The following C3orf62 variants were observed in gnomAD, a reference collection of about 807,000 sequenced individuals.
C3orf62 encodes chromosome 3 open reading frame 62.
A neutral mutation model predicts 21.7 loss-of-function variants in C3orf62; 16 were observed. The ratio of observed to expected loss-of-function variants is 0.74; its 90% CI spans 0.50 to 1.12. C3orf62 has a LOEUF of 1.12. Ranked by LOEUF, C3orf62 falls within the 50% of genes most tolerant of loss-of-function variation. C3orf62 has a pLI of 0.00. For missense variants in C3orf62, 310 were observed against 318.8 expected (o/e 0.97, Z 0.21); for synonymous variants, 114 against 117.0 (o/e 0.97, Z 0.17).
intron 1 of C3orf62, 100 bp from the exon 2 acceptor site, chr3:49,274,240 A>T (rs1424803969): frequency 1.2e-6 from 1 of 856,694 alleles, no homozygotes; most frequent in Non-Finnish European, 1.9e-6. Flanking sequence ...TCAAAGACAA[A>T]AACTTACTGG....
rs1329139924 is a variant in C3orf62 at position 49,277,186 on chromosome 3, C to G, written c.-314G>C. 1.5e-6 allele frequency: 2 copies of G among 1,371,062 alleles called. No homozygotes were observed. The highest frequency in any genetic ancestry group is 2.9e-5 in the African/African-American group (2 of 68,970). The allele number at this position is 1,371,062 out of a possible 1,614,324, so 84.9% of individuals were successfully genotyped here. The stretch of plus-strand genomic sequence containing the variant: ...TCGGCAGCCACGTCCTTGTCCTCAC[C>G]CGCAGCGCAGTGACGCCGACCCATC... On this transcript the variant is annotated 5_prime_UTR_variant, in exon 1 of 3. Transcript: ENST00000343010.
intron 2 of C3orf62, 128 bp from the exon 3 acceptor site, chr3:49,271,573 C>T (rs553992351): frequency 1.6e-6 from 2 of 1,215,020 alleles, no homozygotes; most frequent in South Asian, 1.5e-5. Flanking sequence ...CATTCCTGCC[C>T]CAGGACAGGC....
chr3:49,274,412 C>G, intron 1 of C3orf62: 1 of 335,862 alleles, frequency 3.0e-6, no homozygotes, highest in Non-Finnish European at 5.6e-6. Flanking sequence ...CCAGGCTGGT[C>G]TCGAACTCCT....
intron 1 of C3orf62, among the ~76,000 whole-genome samples, chr3:49,275,281 T>C (rs937303780): frequency 6.6e-6 from 1 of 150,508 alleles, no homozygotes; most frequent in Non-Finnish European, 1.5e-5. Flanking sequence ...GCTCGGCTTA[T>C]GTTTGTATTT....
At chr3:49,276,219 T>C (rs1162624964) in intron 1 of C3orf62, among the ~76,000 whole-genome samples, 1 of 152,128 alleles carries the variant, frequency 6.6e-6, no homozygotes, top group East Asian at 1.9e-4. Flanking sequence ...GATTGACAAC[T>C]AGCCCCTCAA....
chr3:49,277,129 G>T lies in C3orf62; in HGVS notation c.-257C>A. ...CCCGCCCCACCGCGGCTCCCAGGCC[G>T]CTGGCCCTACCGGCACCCCCCCTTT... On this transcript the variant is annotated 5_prime_UTR_variant, in exon 1 of 3. Coordinates refer to ENST00000343010, the MANE Select transcript of C3orf62 (RefSeq NM_198562.3). The T allele has an allele frequency of 6.8e-7, 1 of 1,466,320 alleles. No individual in the cohort carries two copies. The highest frequency in any genetic ancestry group is 9.1e-7 in the Non-Finnish European group (1 of 1,101,932). The allele number at this position is 1,466,320 out of a possible 1,614,324, so 90.8% of individuals were successfully genotyped here. A position where few individuals can be genotyped will look rare whatever the true frequency, so the allele number is the denominator to read the frequency against.
chr3:49,271,056 G>A lies in C3orf62; in HGVS notation c.*124C>T, dbSNP rs1403197955. 1.1e-6 allele frequency: 1 copy of A among 909,612 alleles called. No individual in the cohort carries two copies. The highest frequency in any genetic ancestry group is 2.5e-5 in the East Asian group (1 of 40,782). 56.3% of individuals were successfully genotyped at this position (909,612 alleles called of 1,614,324 possible). On this transcript the variant is annotated 3_prime_UTR_variant, in exon 3 of 3. Transcript: ENST00000343010. ...GGGACACAACTGGGATTTAAAAAGG[G>A]TCTGGTAATTCAGGTTCTGCCAACC...
chr3:49,277,195 A>T lies in C3orf62; in HGVS notation c.-323T>A. The stretch of plus-strand genomic sequence containing the variant: ...ACGTCCTTGTCCTCACCCGCAGCGC[A>T]GTGACGCCGACCCATCCAACGGTCA... On this transcript the variant is annotated 5_prime_UTR_variant, in exon 1 of 3. Coordinates refer to ENST00000343010, the MANE Select transcript of C3orf62 (RefSeq NM_198562.3). 1 of 1,354,952 alleles carries T rather than the reference A, an allele frequency of 7.4e-7. No homozygotes were observed. Among genetic ancestry groups the T allele is most frequent in the East Asian group, 4.1e-5 (1 of 24,104 alleles). The allele number at this position is 1,354,952 out of a possible 1,614,324, so 83.9% of individuals were successfully genotyped here. A position where few individuals can be genotyped will look rare whatever the true frequency, so the allele number is the denominator to read the frequency against.
Position 49,276,646 on chromosome 3 carries a change from G to A in C3orf62, c.227C>T (p.Ala76Val). 1 of 1,614,216 alleles carries A rather than the reference G, an allele frequency of 6.2e-7. No individual in the cohort carries two copies. The highest frequency in any genetic ancestry group is 8.5e-7 in the Non-Finnish European group (1 of 1,180,042). ...ACATGGGACAGCAGCAAAAGGAGCA[G>A]CAGAAGAGCAGGCTGCCAGAGGATG... ...RRHPLAACSSAAPFAAVPCAP... is the reference protein window; with the variant it reads ...RRHPLAACSSVAPFAAVPCAP... The change falls in exon 1 of 3, where the codon GCT becomes GTT. Residue 76 changes from alanine (A) to valine (V), a missense_variant. By Grantham distance (64) the Ala-to-Val change is moderately conservative. Coordinates refer to ENST00000343010, the MANE Select transcript of C3orf62 (RefSeq NM_198562.3).
chr3:49,274,148 C>T lies in C3orf62; in HGVS notation c.447-8G>A. ...TCTCTCTCCATATCTTTCCTGCAGCCCCCAGGTGGGGGGGAAGAAAAGGTG... is the reference window on the plus strand; with the variant it reads ...TCTCTCTCCATATCTTTCCTGCAGCTCCCAGGTGGGGGGGAAGAAAAGGTG... On this transcript the variant is annotated splice_region_variant and splice_polypyrimidine_tract_variant and intron_variant, in intron 1 of 2. Coordinates refer to ENST00000343010, the MANE Select transcript of C3orf62 (RefSeq NM_198562.3). 1 of 1,608,538 alleles carries T rather than the reference C, an allele frequency of 6.2e-7. No individual in the cohort carries two copies. Among genetic ancestry groups the T allele is most frequent in the Non-Finnish European group, 8.5e-7 (1 of 1,175,144 alleles).
rs1233288648 is a variant in C3orf62 at position 49,277,231 on chromosome 3, G to A, written c.-359C>T. ...CCCATCCAACGGTCATCGCATGCGC[G>A]TGCCCCGCGCAGGCCCCAAACCCCC... On this transcript the variant is annotated 5_prime_UTR_variant, in exon 1 of 3. It adds an upstream start codon to the 5' untranslated region. Coordinates refer to ENST00000343010, the MANE Select transcript of C3orf62 (RefSeq NM_198562.3). The A allele has an allele frequency of 3.0e-6, 4 of 1,316,426 alleles. No homozygotes were observed. Among genetic ancestry groups the A allele is most frequent in the Admixed American group, 2.3e-5 (1 of 44,272 alleles). The allele number at this position is 1,316,426 out of a possible 1,614,324, so 81.5% of individuals were successfully genotyped here. A position where few individuals can be genotyped will look rare whatever the true frequency, so the allele number is the denominator to read the frequency against.
chr3:49,271,098 C>A lies in C3orf62; in HGVS notation c.*82G>T. The A allele has an allele frequency of 7.2e-7, 1 of 1,387,896 alleles. No individual in the cohort carries two copies. 86.0% of individuals were successfully genotyped at this position (1,387,896 alleles called of 1,614,324 possible). On this transcript the variant is annotated 3_prime_UTR_variant, in exon 3 of 3. Coordinates refer to ENST00000343010, the MANE Select transcript of C3orf62 (RefSeq NM_198562.3). The stretch of plus-strand genomic sequence containing the variant: ...CTGCCAACCTTTTGAGAAATGTGGC[C>A]CCTGACGGCCATTGTAGCTGCTTCT...
In C3orf62 at chr3:49,271,416, A is replaced by G. The variant is rs1200468002; in HGVS notation, c.568T>C (p.Leu190=). 5.0e-6 allele frequency: 8 copies of G among 1,614,162 alleles called. No individual in the cohort carries two copies. The East Asian group carries it at 1.3e-4, about 27-fold the overall frequency. ...TTTTCAAATTCTATTTTTCCAGCCA[A>G]TTCTTCAATAGTTCGGATGCTTGTA... The part of the protein sequence containing the change: ...DHTSIRTIEE[L]AGKIEFENEL... The change falls in exon 3 of 3, where the codon TTG becomes CTG. Residue 190 remains leucine (L), a synonymous_variant. Transcript: ENST00000343010.
rs2046904124 is a variant in C3orf62 at position 49,270,010 on chromosome 3, A to G, written c.*1170T>C. On this transcript the variant is annotated 3_prime_UTR_variant, in exon 3 of 3. Coordinates refer to ENST00000343010, the MANE Select transcript of C3orf62 (RefSeq NM_198562.3). ...TTGGTTTGTTCGGGCTTTAGCACTT[A>G]TAAACAGCCCTGGCTGGTCCAAAGG... The G allele has an allele frequency of 1.3e-5, 2 of 152,256 alleles. No homozygotes were observed. The highest frequency in any genetic ancestry group is 2.9e-5 in the Non-Finnish European group (2 of 68,052). 9.4% of individuals were successfully genotyped at this position (152,256 alleles called of 1,614,324 possible). A position where few individuals can be genotyped will look rare whatever the true frequency, so the allele number is the denominator to read the frequency against.
At position 49,277,084 on chromosome 3, in the gene C3orf62, G is replaced by A. The variant is rs1300493435; in HGVS notation, c.-212C>T. On this transcript the variant is annotated 5_prime_UTR_variant, in exon 1 of 3. Coordinates refer to ENST00000343010, the MANE Select transcript of C3orf62 (RefSeq NM_198562.3). ...CCCGCCCCACTTCCCACAGCTTCCT[G>A]GCCCGCCCCGCCGCTGCCTCCCGCC... 8 of 1,489,284 alleles carry A rather than the reference G, an allele frequency of 5.4e-6. No homozygotes were observed. Among genetic ancestry groups the A allele is most frequent in the Admixed American group, 2.1e-5 (1 of 48,184 alleles). The allele number at this position is 1,489,284 out of a possible 1,614,324, so 92.3% of individuals were successfully genotyped here.
In C3orf62 at chr3:49,277,023, G is replaced by C. The variant is rs1327403666; in HGVS notation, c.-151C>G. ...GAGTAGGCGGTTCTCGGCTCTCGCG[G>C]AGGAACCCGCCATCTGCCAGAAGCC... On this transcript the variant is annotated 5_prime_UTR_variant, in exon 1 of 3. Coordinates refer to ENST00000343010, the MANE Select transcript of C3orf62 (RefSeq NM_198562.3). 2.7e-5 allele frequency: 39 copies of C among 1,462,030 alleles called. No individual in the cohort carries two copies. The African/African-American group carries it at 3.1e-4, about 12-fold the overall frequency. The allele number at this position is 1,462,030 out of a possible 1,614,324, so 90.6% of individuals were successfully genotyped here.
chr3:49,276,094 G>A (rs2046956905), intron 1 of C3orf62, among the ~76,000 whole-genome samples: 1 of 152,102 alleles, frequency 6.6e-6, no homozygotes, highest in South Asian at 2.1e-4. Flanking sequence ...ATGGAATTAA[G>A]ACTTTTGTTT....
Position 49,276,515 on chromosome 3 carries a change from C to T in C3orf62, c.358G>A (p.Val120Ile). 1 of 1,614,252 alleles carries T rather than the reference C, an allele frequency of 6.2e-7. No individual in the cohort carries two copies. Residue 120 changes from valine (V) to isoleucine (I), a missense_variant, in exon 1 of 3, where the codon GTA becomes ATA. Physicochemically the swap from Val to Ile is conservative, Grantham distance 29 (BLOSUM62 3). Coordinates refer to ENST00000343010, the MANE Select transcript of C3orf62 (RefSeq NM_198562.3). ...ERKPLTSKEN[V>I]LMHSSILAPE... Reference sequence around the variant, plus strand: ...GCCAAAATGGAGGAATGCATCAATACATTTTCCTTGCTGGTTAGAGGTTTT... The same window carrying T: ...GCCAAAATGGAGGAATGCATCAATATATTTTCCTTGCTGGTTAGAGGTTTT...
chr3:49,273,781 G>A (rs1227590444), intron 2 of C3orf62, among the ~76,000 whole-genome samples: 4 of 151,828 alleles, frequency 2.6e-5, no homozygotes, highest in Non-Finnish European at 2.9e-5. Flanking sequence ...TCGGCCTCCC[G>A]AGTAGCTGGG....
Sources: gnomAD v4.1 joint callset for allele counts (sites outside exome capture counted in the v4.1 genomes callset) on GRCh38, gnomAD v4.1.1 for gene constraint, MANE v1.5 for transcripts, NCBI Gene and HGNC (gene_info 2026-07-23, HGNC 2026-07-21) for gene names.